FCHSD2: variants seen among roughly 807,000 people sequenced by gnomAD.
FCHSD2 encodes F-BAR and double SH3 domains protein 2.
A neutral mutation model predicts 108.1 loss-of-function variants in FCHSD2; 38 were observed. The observed-to-expected ratio is 0.35, with a 90% confidence interval of 0.27 to 0.46. The LOEUF is 0.46. Ranked by LOEUF, FCHSD2 falls within the 20% of genes least tolerant of loss-of-function variation. The pLI is 1.00. For synonymous variants in FCHSD2, 279 were observed against 314.7 expected (o/e 0.89, Z 1.20); for missense variants, 751 against 897.8 (o/e 0.84, Z 2.09).
At chr11:73,039,011 G>T (rs1858565955) in intron 3 of FCHSD2, among the ~76,000 whole-genome samples, 1 of 152,108 alleles carries the variant, frequency 6.6e-6, no homozygotes, top group Non-Finnish European at 1.5e-5. Flanking sequence ...TATCAACTTA[G>T]TATCTTCCAA....
chr11:72,959,599 C>T (rs1161393055), intron 8 of FCHSD2, among the ~76,000 whole-genome samples: 1 of 152,148 alleles, frequency 6.6e-6, no homozygotes, highest in African/African-American at 2.4e-5. Flanking sequence ...GTTGCTTCTA[C>T]AGTCAGTCAG....
At chr11:72,902,076 T>C (rs1006622423) in intron 10 of FCHSD2, among the ~76,000 whole-genome samples, 1 of 152,228 alleles carries the variant, frequency 6.6e-6, no homozygotes, top group African/African-American at 2.4e-5. Context: ...GGTTTTGTCA[T>C]GTTGGCCAGG....
chr11:73,037,938 G>A (rs1037315262), intron 3 of FCHSD2, among the ~76,000 whole-genome samples: 4 of 152,124 alleles, frequency 2.6e-5, no homozygotes, highest in Admixed American at 6.6e-5. Flanking sequence ...ACTAAAGAGT[G>A]GGAAACTTAT....
intron 8 of FCHSD2, among the ~76,000 whole-genome samples, chr11:72,967,716 TATA>T (rs1466068368): frequency 1.3e-5 from 2 of 152,154 alleles, no homozygotes; most frequent in African/African-American, 4.8e-5. Flanking sequence ...ACCTAGTAAA[TATA>T]ATAAAACCAC....
At chr11:73,126,165 T>C (rs1479930108) in intron 2 of FCHSD2, among the ~76,000 whole-genome samples, 3 of 150,650 alleles carry the variant, frequency 2.0e-5, no homozygotes, top group Non-Finnish European at 4.4e-5. Context: ...CATGGTGAAA[T>C]CCCATCTCTA....
chr11:72,968,650 G>A (rs1278791874), intron 8 of FCHSD2, among the ~76,000 whole-genome samples: 1 of 152,202 alleles, frequency 6.6e-6, no homozygotes, highest in Non-Finnish European at 1.5e-5. Context: ...CAAAATGATA[G>A]TGCTGGCATG....
At chr11:73,044,851 A>C (rs1452874871) in intron 3 of FCHSD2, among the ~76,000 whole-genome samples, 3 of 152,176 alleles carry the variant, frequency 2.0e-5, no homozygotes, top group Admixed American at 6.5e-5. Flanking sequence ...CAGGTGGATC[A>C]CGAGGTCAGG....
chr11:73,021,233 T>TA (rs1183952789), intron 3 of FCHSD2, among the ~76,000 whole-genome samples: 1,498 of 104,206 alleles, frequency 0.014, 8 homozygotes, highest in South Asian at 0.045. Flanking sequence ...AAACATAGAA[T>TA]AAAAAAAAAA....
At chr11:73,039,887 C>A (rs570600806) in intron 3 of FCHSD2, among the ~76,000 whole-genome samples, 10 of 150,690 alleles carry the variant, frequency 6.6e-5, no homozygotes, top group African/African-American at 2.4e-4. Context: ...TTTGAAGTTT[C>A]TTTTTAAATT....
At chr11:73,015,708 G>A (rs1857956855) in intron 4 of FCHSD2, 101 bp downstream of exon 4, 1 of 616,080 alleles carries the variant, frequency 1.6e-6, no homozygotes, top group Admixed American at 3.6e-5. Flanking sequence ...GCAGAGGAAA[G>A]AAGTAATTCT....
chr11:72,959,253 G>A (rs1446743758), intron 8 of FCHSD2, among the ~76,000 whole-genome samples: 2 of 59,566 alleles, frequency 3.4e-5, no homozygotes, highest in African/African-American at 7.6e-5. Flanking sequence ...TTTTTGAGAC[G>A]GAGTCTCGCT....
Position 72,838,651 on chromosome 11 carries a change from G to A in FCHSD2, c.*140C>T. On this transcript the variant is annotated 3_prime_UTR_variant, in exon 20 of 20. Coordinates refer to ENST00000409418, the MANE Select transcript of FCHSD2 (RefSeq NM_014824.3). ...TTCAAAACGTGGGAGGAGTCTACCAGGCCACCCAGTCACACATAATCCTCC... is the reference window on the plus strand; with the variant it reads ...TTCAAAACGTGGGAGGAGTCTACCAAGCCACCCAGTCACACATAATCCTCC... The A allele has an allele frequency of 1.5e-6, 1 of 670,920 alleles. No homozygotes were observed. The highest frequency in any genetic ancestry group is 1.8e-5 in the South Asian group (1 of 55,824). 41.6% of individuals were successfully genotyped at this position (670,920 alleles called of 1,614,324 possible).
chr11:72,952,394 G>GTC (rs1385936172), intron 8 of FCHSD2, among the ~76,000 whole-genome samples: 1 of 151,008 alleles, frequency 6.6e-6, no homozygotes, highest in South Asian at 2.1e-4. Flanking sequence ...GCACTATTTC[G>GTC]GCTCACTGCA....
intron 8 of FCHSD2, among the ~76,000 whole-genome samples, chr11:72,930,626 T>C (rs993447678): frequency 2.0e-5 from 3 of 152,124 alleles, no homozygotes; most frequent in Admixed American, 6.5e-5. Flanking sequence ...CCATCCGTAG[T>C]CCCAATTATT....
chr11:72,879,738 T>C (rs1394518586), intron 12 of FCHSD2, among the ~76,000 whole-genome samples: 1 of 151,902 alleles, frequency 6.6e-6, no homozygotes, highest in Non-Finnish European at 1.5e-5. Context: ...TAAGGCCAGA[T>C]AAAAATGTGT....
chr11:72,872,743 T>G (rs145886931), intron 12 of FCHSD2, among the ~76,000 whole-genome samples: 3 of 152,338 alleles, frequency 2.0e-5, no homozygotes, highest in Admixed American at 6.5e-5. Context: ...ATGAATAATA[T>G]TGCTATAAAC....
chr11:72,973,781 A>T (rs1040937973), intron 8 of FCHSD2, among the ~76,000 whole-genome samples: 4 of 152,260 alleles, frequency 2.6e-5, no homozygotes, highest in Admixed American at 2.6e-4. Flanking sequence ...GGGCAAACTA[A>T]GGCCTGTAGG....
At chr11:72,873,362 T>C (rs1055331680) in intron 12 of FCHSD2, among the ~76,000 whole-genome samples, 1 of 152,096 alleles carries the variant, frequency 6.6e-6, no homozygotes, top group Admixed American at 6.5e-5. Flanking sequence ...TTCATGTGCT[T>C]ATTTATGGGT....
intron 4 of FCHSD2, among the ~76,000 whole-genome samples, chr11:73,004,648 C>A (rs1175060196): frequency 6.6e-6 from 1 of 152,176 alleles, no homozygotes; most frequent in Non-Finnish European, 1.5e-5. Context: ...ACCTTTATAA[C>A]CTACAAGCTC....
Sources: gnomAD v4.1 joint callset for allele counts (sites outside exome capture counted in the v4.1 genomes callset) on GRCh38, gnomAD v4.1.1 for gene constraint, MANE v1.5 for transcripts, NCBI Gene and HGNC (gene_info 2026-07-23, HGNC 2026-07-21) for gene names.